PDE10A: variants seen among roughly 807,000 people sequenced by gnomAD.
PDE10A encodes phosphodiesterase 10A, also known as cAMP and cAMP-inhibited cGMP 3',5'-cyclic phosphodiesterase 10A.
Under a neutral mutation model 97.7 loss-of-function variants are expected in PDE10A, and 39 were observed. The ratio of observed to expected loss-of-function variants is 0.40; its 90% CI spans 0.31 to 0.52. The LOEUF is 0.52. Among genes scored for constraint, PDE10A ranks in the 20% least tolerant of loss-of-function variants. The pLI is 0.56. For synonymous variants in PDE10A, 371 were observed against 376.8 expected, an observed-to-expected ratio of 0.98 and a Z score of 0.18; for missense variants, 731 against 1,047.8, an observed-to-expected ratio of 0.70 and a Z score of 4.17.
intron 1 of PDE10A, among the ~76,000 whole-genome samples, chr6:165,569,756 T>C (rs1784959925): frequency 6.6e-6 from 1 of 152,328 alleles, no homozygotes; most frequent in South Asian, 2.1e-4. Context: ...CGGTTTACTG[T>C]TCCCTGTGTA....
chr6:165,912,247 A>G (rs1328084696), intron 1 of PDE10A, among the ~76,000 whole-genome samples: 1 of 152,164 alleles, frequency 6.6e-6, no homozygotes, highest in Non-Finnish European at 1.5e-5. Flanking sequence ...GTATATGTAT[A>G]CATACATACA....
rs1012333787 is a variant in PDE10A, at chr6:165,876,732, G to A, written c.-615+110797C>T. 9.9e-5 allele frequency among the ~76,000 whole-genome samples: 15 copies of A among 152,244 alleles called. 1 individual carries two copies. The South Asian group carries it at 2.3e-3, about 23-fold the overall frequency. ...TGGCTGCCAAGCCTCCGTGCGTCAC[G>A]GAGCAGAAAGCCTGCAAACGATCAT... On this transcript the variant is annotated intron_variant, in intron 1 of 19. Coordinates refer to the PDE10A transcript ENST00000366882.
chr6:165,620,520 T>G (rs1462681182), intron 1 of PDE10A, among the ~76,000 whole-genome samples: 1 of 151,886 alleles, frequency 6.6e-6, no homozygotes, highest in African/African-American at 2.4e-5. Context: ...GAGGAAATGG[T>G]GAAACATTGT....
At chr6:165,519,225 T>C (rs1048016452) in intron 2 of PDE10A, among the ~76,000 whole-genome samples, 1 of 152,140 alleles carries the variant, frequency 6.6e-6, no homozygotes, top group Non-Finnish European at 1.5e-5. Context: ...AAACTTACGA[T>C]ATACGGCTGA....
intron 1 of PDE10A, among the ~76,000 whole-genome samples, chr6:165,943,226 AGAAAGAAAGAAGGAAGGAAG>A (rs1268650446): frequency 4.0e-4 from 20 of 50,048 alleles, no homozygotes; most frequent in African/African-American, 1.2e-3. Context: ...AAAGAAAGAA[AGAAAGAAAGAAGGAAGGAAG>A]GAAGGAAGGA....
intron 1 of PDE10A, among the ~76,000 whole-genome samples, chr6:165,740,033 G>C (rs1377198543): frequency 2.0e-5 from 3 of 152,164 alleles, no homozygotes; most frequent in African/African-American, 7.2e-5. Flanking sequence ...TACAGCCATT[G>C]TGAAAAACAA....
intron 1 of PDE10A, among the ~76,000 whole-genome samples, chr6:165,703,129 A>C (rs77465643): frequency 0.016 from 2,420 of 152,320 alleles, 64 homozygotes; most frequent in African/African-American, 0.056. Flanking sequence ...CCAGGTTCTC[A>C]GGTTTGTTTG....
chr6:165,862,082 A>G (rs564310123), intron 1 of PDE10A, among the ~76,000 whole-genome samples: 236 of 152,288 alleles, frequency 1.5e-3, no homozygotes, highest in African/African-American at 5.6e-3. Flanking sequence ...GCGCTCCCCT[A>G]CTACACCCAT....
At chr6:165,929,828 T>C (rs1173857301) in intron 1 of PDE10A, among the ~76,000 whole-genome samples, 1 of 152,060 alleles carries the variant, frequency 6.6e-6, no homozygotes, top group Non-Finnish European at 1.5e-5. Flanking sequence ...AAGAGTGTGC[T>C]CCCTAATGAC....
At chr6:165,872,991 G>C (rs548465198) in intron 1 of PDE10A, among the ~76,000 whole-genome samples, 11 of 152,194 alleles carry the variant, frequency 7.2e-5, no homozygotes, top group Non-Finnish European at 1.5e-4. Flanking sequence ...CTTGCTGAGG[G>C]TAACGCCGAT....
intron 1 of PDE10A, among the ~76,000 whole-genome samples, chr6:165,637,039 A>T (rs1788911444): frequency 2.0e-5 from 3 of 152,234 alleles, no homozygotes; most frequent in Non-Finnish European, 4.4e-5. Flanking sequence ...ACTGTCCTAC[A>T]CACCTATTAT....
intron 20 of PDE10A, among the ~76,000 whole-genome samples, chr6:165,336,743 G>A (rs919006979): frequency 3.8e-5 from 5 of 130,450 alleles, no homozygotes; most frequent in African/African-American, 9.0e-5. Context: ...GCGACAGAGC[G>A]AGACTCCGTC....
chr6:165,827,146 G>A (rs1779782988), intron 1 of PDE10A, among the ~76,000 whole-genome samples: 1 of 152,192 alleles, frequency 6.6e-6, no homozygotes, highest in African/African-American at 2.4e-5. Flanking sequence ...TGGTCTAGAC[G>A]CTTCCCCTCT....
At chr6:165,910,742 T>C (rs1220876145) in intron 1 of PDE10A, 1 of 152,302 alleles carries the variant, frequency 6.6e-6, no homozygotes, top group South Asian at 2.1e-4. Context: ...AAATCTAATG[T>C]GTATTTACAG....
intron 1 of PDE10A, among the ~76,000 whole-genome samples, chr6:165,644,067 G>GT (rs1199138964): frequency 6.6e-6 from 1 of 151,990 alleles, no homozygotes; most frequent in Admixed American, 6.6e-5. Flanking sequence ...TTTTTTTTCT[G>GT]TTTTTTGAGA....
intron 3 of PDE10A, among the ~76,000 whole-genome samples, chr6:165,464,802 G>T (rs1778538252): frequency 6.6e-6 from 1 of 152,116 alleles, no homozygotes; most frequent in South Asian, 2.1e-4. Flanking sequence ...AGGATGTCAG[G>T]GCAAACCAGC....
At chr6:165,796,291 T>A (rs1268507645) in intron 1 of PDE10A, among the ~76,000 whole-genome samples, 1 of 152,050 alleles carries the variant, frequency 6.6e-6, no homozygotes, top group Non-Finnish European at 1.5e-5. Flanking sequence ...TTTCACCGTG[T>A]TAGCCAGGAT....
At chr6:165,968,156 T>A (rs1217912960) in intron 1 of PDE10A, among the ~76,000 whole-genome samples, 1 of 152,216 alleles carries the variant, frequency 6.6e-6, no homozygotes, top group East Asian at 1.9e-4. Flanking sequence ...ATGACAGAGA[T>A]GCCTGCTCTT....
chr6:165,832,421 T>A (rs544357575), intron 1 of PDE10A, among the ~76,000 whole-genome samples: 3 of 149,964 alleles, frequency 2.0e-5, no homozygotes, highest in South Asian at 4.2e-4. Flanking sequence ...AATCCTGATT[T>A]AAAAAAAAAA....
Sources: gnomAD v4.1 joint callset for allele counts (sites outside exome capture counted in the v4.1 genomes callset) on GRCh38, gnomAD v4.1.1 for gene constraint, MANE v1.5 for transcripts, NCBI Gene and HGNC (gene_info 2026-07-23, HGNC 2026-07-21) for gene names.